Variants in RNF145 observed in about 807,000 individuals in gnomAD.
RNF145 encodes ring finger protein 145.
In RNF145, 12 loss-of-function variants were observed where a neutral mutation model predicts 57.3. That is an observed-to-expected ratio of 0.21 (90% CI 0.13 to 0.34). The LOEUF is 0.34. RNF145 is among the 10% of genes least tolerant of loss of function. RNF145 has a pLI of 1.00. For missense variants in RNF145, 429 were observed against 799.0 expected (o/e 0.54, Z 5.58); for synonymous variants, 262 against 288.3 (o/e 0.91, Z 0.92).
In RNF145 at chr5:159,173,019, AATG is replaced by A. The variant is rs1199005431; in HGVS notation, c.797+961_797+963del. On this transcript the variant is annotated intron_variant, in intron 6 of 10. Coordinates refer to ENST00000424310, the MANE Select transcript of RNF145 (RefSeq NM_001199383.2). ...AAACTCAAGAGTGGAAAAAATAACA[AATG>A]TGGATCTAGCAGAAGCTCACAATAA... Among the ~76,000 whole-genome samples, 22 of 152,338 alleles carry A rather than the reference AATG, an allele frequency of 1.4e-4. No individual in the cohort carries two copies. In the East Asian group the frequency reaches 3.7e-3, roughly 25 times the overall value.
chr5:159,199,583 C>T (rs1785591794), intron 2 of RNF145, among the ~76,000 whole-genome samples: 1 of 152,104 alleles, frequency 6.6e-6, no homozygotes, highest in Non-Finnish European at 1.5e-5. Flanking sequence ...CCAGTTCTGG[C>T]TCTCATTACC....
At position 159,178,734 on chromosome 5, in the gene RNF145, G is replaced by GATA. The variant is rs561425166; in HGVS notation, c.386-1868_386-1867insTAT. ...TTTTGGGATTAAGGATTTCCAAACA[G>GATA]TAATATAATGCAGATATTCCAAAAT... On this transcript the variant is annotated intron_variant, in intron 4 of 10. Coordinates refer to ENST00000424310, the MANE Select transcript of RNF145 (RefSeq NM_001199383.2). Among the ~76,000 whole-genome samples the GATA allele has an allele frequency of 1.2e-3, 188 of 152,114 alleles. 1 individual carries two copies. Among genetic ancestry groups the GATA allele is most frequent in the African/African-American group, 4.4e-3 (184 of 41,534 alleles).
intron 1 of RNF145, among the ~76,000 whole-genome samples, chr5:159,204,543 C>A (rs1171719192): frequency 6.6e-6 from 1 of 152,106 alleles, no homozygotes. Flanking sequence ...CAGTGGCACA[C>A]GCCTGTAATC....
In RNF145 at chr5:159,172,238, C is replaced by T. The variant is rs549893021; in HGVS notation, c.797+1745G>A. ...GGGCGTGGTGGTTCACACCTGTAAT[C>T]CCAGGACTTTGAGAGGCTGAGGTGG... is the stretch of plus-strand genomic sequence containing the variant. On this transcript the variant is annotated intron_variant, in intron 6 of 10. Coordinates refer to ENST00000424310, the MANE Select transcript of RNF145 (RefSeq NM_001199383.2). Among the ~76,000 whole-genome samples, 40 of 152,212 alleles carry T rather than the reference C, an allele frequency of 2.6e-4. No homozygotes were observed. In the South Asian group the frequency reaches 2.7e-3, roughly 10 times the overall value.
At chr5:159,182,500 G>C (rs1784925060) in intron 3 of RNF145, among the ~76,000 whole-genome samples, 1 of 151,948 alleles carries the variant, frequency 6.6e-6, no homozygotes. Flanking sequence ...TTAGTCCCAA[G>C]TAGAACCACA....
intron 2 of RNF145, among the ~76,000 whole-genome samples, chr5:159,201,147 T>C (rs1249330127): frequency 3.3e-5 from 5 of 152,286 alleles, no homozygotes; most frequent in East Asian, 1.9e-4. Flanking sequence ...CAAACTCTTA[T>C]GGAATACAGT....
intron 1 of RNF145, among the ~76,000 whole-genome samples, chr5:159,208,871 TG>T (rs1785997068): frequency 6.9e-6 from 1 of 144,722 alleles, no homozygotes; most frequent in South Asian, 2.2e-4. Flanking sequence ...ATCTCAGGAA[TG>T]TAAGGGAGCG....
intron 2 of RNF145, among the ~76,000 whole-genome samples, chr5:159,200,008 T>C (rs1249288101): frequency 1.3e-5 from 2 of 152,034 alleles, no homozygotes; most frequent in African/African-American, 4.8e-5. Flanking sequence ...CCACTTACGA[T>C]AGCAATAAAA....
chr5:159,172,189 G>C (rs559581382), intron 6 of RNF145, among the ~76,000 whole-genome samples: 14 of 152,102 alleles, frequency 9.2e-5, no homozygotes, highest in African/African-American at 3.4e-4. Flanking sequence ...TTACTTTTTG[G>C]GTCATTTTAA....
In RNF145 at chr5:159,161,424, T is replaced by C; in HGVS notation, c.1468A>G (p.Ile490Val). Reference sequence around the variant, plus strand: ...ACGTTATAGTAGGAATGAATGAAGATGATCATTGAGCCCATCACTGTCCAT... The same window carrying C: ...ACGTTATAGTAGGAATGAATGAAGACGATCATTGAGCCCATCACTGTCCAT... ...GEWTVMGSMI[I>V]FIHSYYNVWL... The change falls in exon 10 of 11, where the codon ATC becomes GTC. Residue 490 changes from isoleucine to valine, a missense_variant. By Grantham distance (29) the Ile-to-Val change is conservative. Coordinates refer to ENST00000424310, the MANE Select transcript of RNF145 (RefSeq NM_001199383.2). 1 of 1,614,172 alleles carries C rather than the reference T, an allele frequency of 6.2e-7. No individual in the cohort carries two copies. The highest frequency in any genetic ancestry group is 8.5e-7 in the Non-Finnish European group (1 of 1,180,030).
intron 10 of RNF145, 198 bp downstream of exon 10, chr5:159,161,068 G>A (rs1784200656): frequency 1.9e-6 from 1 of 523,742 alleles, no homozygotes; most frequent in Non-Finnish European, 3.4e-6. Flanking sequence ...TAGAACCCAA[G>A]GGACTAAATT....
At chr5:159,202,657 A>C (rs1785710540) in intron 2 of RNF145, among the ~76,000 whole-genome samples, 1 of 152,156 alleles carries the variant, frequency 6.6e-6, no homozygotes, top group Non-Finnish European at 1.5e-5. Context: ...TCTAATAATA[A>C]AATATTAGCA....
At chr5:159,182,142 C>A (rs1784915638) in intron 3 of RNF145, 91 bp from the exon 4 acceptor site, 1 of 696,276 alleles carries the variant, frequency 1.4e-6, no homozygotes, top group South Asian at 2.3e-5. Flanking sequence ...GTTAATGATA[C>A]CCCTTTCCAT....
At chr5:159,162,502 T>G (rs1479807870) in intron 9 of RNF145, among the ~76,000 whole-genome samples, 3 of 148,158 alleles carry the variant, frequency 2.0e-5, no homozygotes, top group African/African-American at 7.5e-5. Flanking sequence ...TGGCGCAATC[T>G]CGGCTCACTG....
chr5:159,204,803 CAAAA>C (rs1163143098), intron 1 of RNF145, among the ~76,000 whole-genome samples: 229 of 47,046 alleles, frequency 4.9e-3, no homozygotes, highest in African/African-American at 0.014. Flanking sequence ...GACTCCGTCT[CAAAA>C]AAAAAAAAAA....
At chr5:159,191,486 A>C (rs1785288162) in intron 3 of RNF145, among the ~76,000 whole-genome samples, 1 of 152,200 alleles carries the variant, frequency 6.6e-6, no homozygotes. Context: ...AATTTTATTA[A>C]AACTTAATAA....
rs917770889 is a variant in RNF145 at position 159,157,637 on chromosome 5, T to C, written c.*1033A>G. ...TCCCCAGTTCTACCTGTAGCCATGATGAATGTAAAAATTTAAATATGACAC... is the reference window on the plus strand; with the variant it reads ...TCCCCAGTTCTACCTGTAGCCATGACGAATGTAAAAATTTAAATATGACAC... On this transcript the variant is annotated 3_prime_UTR_variant, in exon 11 of 11. Transcript: ENST00000424310. 2.0e-5 allele frequency: 3 copies of C among 152,706 alleles called. No homozygotes were observed. The highest frequency in any genetic ancestry group is 6.5e-5 in the Admixed American group (1 of 15,272). 9.5% of individuals were successfully genotyped at this position (152,706 alleles called of 1,614,324 possible). A position where few individuals can be genotyped will look rare whatever the true frequency, so the allele number is the denominator to read the frequency against.
At chr5:159,195,081 ACTC>A (rs1228168383) in intron 2 of RNF145, among the ~76,000 whole-genome samples, 3 of 151,122 alleles carry the variant, frequency 2.0e-5, no homozygotes, top group Admixed American at 1.3e-4. Flanking sequence ...GTGTAACACA[ACTC>A]CTTTCTTCAT....
intron 6 of RNF145, among the ~76,000 whole-genome samples, chr5:159,171,741 C>G (rs1233325376): frequency 6.6e-6 from 1 of 151,890 alleles, no homozygotes; most frequent in East Asian, 1.9e-4. Context: ...ATCTCTTTTT[C>G]TAAATAAGTT....
Sources: gnomAD v4.1 joint callset for allele counts (sites outside exome capture counted in the v4.1 genomes callset) on GRCh38, gnomAD v4.1.1 for gene constraint, MANE v1.5 for transcripts, NCBI Gene and HGNC (gene_info 2026-07-23, HGNC 2026-07-21) for gene names.